Variants in WFS1 observed in about 807,000 individuals in gnomAD.
The protein encoded by WFS1 is wolframin.
WFS1 carries 90 observed loss-of-function variants against 68.5 expected under a neutral mutation model. The observed-to-expected ratio is 1.31, with a 90% CI of 1.11 to 1.56. WFS1 has a LOEUF of 1.56. WFS1 is among the 40% of genes most tolerant of loss of function. The pLI is 0.00. For missense variants in WFS1, 1,767 were observed against 1,232.6 expected (o/e 1.43, Z -6.49); for synonymous variants, 860 against 540.7 (o/e 1.59, Z -8.19).
At chr4:6,277,708 G>T in intron 2 of WFS1, 21 bp downstream of exon 2, 1 of 1,549,972 alleles carries the variant, frequency 6.5e-7, no homozygotes, top group Non-Finnish European at 8.7e-7. Flanking sequence ...AGGCTGGGAA[G>T]CCCAGGCTGG....
intron 6 of WFS1, among the ~76,000 whole-genome samples, chr4:6,294,297 G>A (rs545403113): frequency 1.3e-5 from 2 of 152,116 alleles, no homozygotes; most frequent in African/African-American, 2.4e-5. Flanking sequence ...TGGATAGAGG[G>A]GTCAGTGGGC....
chr4:6,299,530 TA>T (rs1166718319), intron 7 of WFS1, among the ~76,000 whole-genome samples: 1 of 116,440 alleles, frequency 8.6e-6, no homozygotes, highest in Non-Finnish European at 1.7e-5. Flanking sequence ...TGAATGTGTA[TA>T]GGGGTGGGTT....
intron 7 of WFS1, among the ~76,000 whole-genome samples, chr4:6,298,975 C>T (rs1730739918): frequency 6.6e-6 from 1 of 152,248 alleles, no homozygotes; most frequent in South Asian, 2.1e-4. Flanking sequence ...GACATGCAGC[C>T]AGGCTTCCCT....
intron 3 of WFS1, among the ~76,000 whole-genome samples, chr4:6,288,181 C>T (rs920266007): frequency 9.3e-5 from 14 of 150,308 alleles, no homozygotes; most frequent in Admixed American, 8.7e-4. Context: ...CGCACCACCA[C>T]GCTCCCAACT....
Position 6,301,840 on chromosome 4 carries a change from A to G in WFS1, c.2045A>G (p.Asn682Ser). The G allele has an allele frequency of 6.2e-7, 1 of 1,613,160 alleles. No individual in the cohort carries two copies. Among genetic ancestry groups the G allele is most frequent in the African/African-American group, 1.3e-5 (1 of 75,070 alleles). The part of the protein sequence containing the change: ...LCGPRAWKET[N>S]MARTQILCSH... Reference sequence around the variant, plus strand: ...GGGCCACGCGCCTGGAAGGAGACCAACATGGCGCGCACCCAGATCCTCTGC... The same window carrying G: ...GGGCCACGCGCCTGGAAGGAGACCAGCATGGCGCGCACCCAGATCCTCTGC... The change falls in exon 8 of 8, where the codon AAC becomes AGC. Residue 682 changes from asparagine to serine, a missense_variant. Asn to Ser is a conservative substitution (Grantham distance 46). Coordinates refer to ENST00000226760, the MANE Select transcript of WFS1 (RefSeq NM_006005.3).
chr4:6,298,883 T>G (rs1173107328), intron 7 of WFS1, among the ~76,000 whole-genome samples: 2 of 152,218 alleles, frequency 1.3e-5, no homozygotes, highest in African/African-American at 2.4e-5. Context: ...AGGGGATTTG[T>G]GGGGTCTGGT....
chr4:6,285,187 T>G (rs971985772), intron 2 of WFS1, among the ~76,000 whole-genome samples: 2 of 141,042 alleles, frequency 1.4e-5, no homozygotes, highest in African/African-American at 5.5e-5. Flanking sequence ...CCAGGGAGAG[T>G]TACGTCCAGG....
chr4:6,289,034 C>T lies in WFS1; in HGVS notation c.363C>T (p.Leu121=), dbSNP rs140229545. ...TGGCCGGCGACACGGATGAAGAACTCAACAGCTGCACCGCTGTGGACTGGC... is the reference window on the plus strand; with the variant it reads ...TGGCCGGCGACACGGATGAAGAACTTAACAGCTGCACCGCTGTGGACTGGC... The part of the protein sequence containing the change: ...LQLAGDTDEE[L]NSCTAVDWLV... Residue 121 remains leucine, a synonymous_variant, in exon 4 of 8, where the codon CTC becomes CTT. Transcript: ENST00000226760. 1.1e-4 allele frequency: 177 copies of T among 1,606,896 alleles called. No individual in the cohort carries two copies. In the African/African-American group the frequency reaches 2.1e-3, roughly 19 times the overall value.
At chr4:6,290,894 G>A (rs536932788) in intron 4 of WFS1, among the ~76,000 whole-genome samples, 52 of 152,300 alleles carry the variant, frequency 3.4e-4, no homozygotes, top group African/African-American at 1.1e-3. Flanking sequence ...ACACAGGCCT[G>A]TGCCTCCGGG....
At position 6,301,145 on chromosome 4, in the gene WFS1, TGCAGAGCCCTACACGC is replaced by T. The variant is rs1462451449; in HGVS notation, c.1355_1370del (p.Glu452GlyfsTer20). 5.0e-6 allele frequency: 8 copies of T among 1,613,146 alleles called. No homozygotes were observed. Among genetic ancestry groups the T allele is most frequent in the Admixed American group, 1.7e-5 (1 of 60,020 alleles). On this transcript the variant is annotated frameshift_variant, in exon 8 of 8. Coordinates refer to ENST00000226760, the MANE Select transcript of WFS1 (RefSeq NM_006005.3). LOFTEE classifies it high-confidence loss of function. ...CCAGCTACCTGAGCCTGAGCACCCATGCAGAGCCCTACACGCGCAGGGCCCTGGCCACCGAGGTCAC... is the reference window on the plus strand; with the variant it reads ...CCAGCTACCTGAGCCTGAGCACCCATGCAGGGCCCTGGCCACCGAGGTCAC...
chr4:6,294,033 T>C (rs1278739534), intron 6 of WFS1, among the ~76,000 whole-genome samples: 1 of 152,204 alleles, frequency 6.6e-6, no homozygotes, highest in Non-Finnish European at 1.5e-5. Context: ...ACCTGGGTGC[T>C]GCCCCGACTC....
Position 6,271,761 on chromosome 4 carries a change from C to T in WFS1, c.-6+1747C>T, listed in dbSNP as rs139770847. ...CCCAGGCTCCTCCCTGGTCCCGATC[C>T]GGGCCTGGCTGCACGCAGCCCTGCT... is the stretch of plus-strand genomic sequence containing the variant. On this transcript the variant is annotated intron_variant, in intron 1 of 7. Transcript: ENST00000226760. 8.8e-3 allele frequency among the ~76,000 whole-genome samples: 1,343 copies of T among 152,332 alleles called. 16 individuals are homozygous for T. Among genetic ancestry groups the T allele is most frequent in the African/African-American group, 0.03 (1,253 of 41,574 alleles).
chr4:6,272,568 C>T (rs1057326295), intron 1 of WFS1, among the ~76,000 whole-genome samples: 3 of 152,242 alleles, frequency 2.0e-5, no homozygotes, highest in Non-Finnish European at 4.4e-5. Flanking sequence ...GGGCCAGGAC[C>T]TCCTGGGCCT....
chr4:6,300,527 G>A, intron 7 of WFS1, 130 bp from the exon 8 acceptor site: 1 of 1,391,428 alleles, frequency 7.2e-7, no homozygotes, highest in East Asian at 2.5e-5. Flanking sequence ...ACTAGGATGG[G>A]GCTGGTGATG....
chr4:6,286,767 T>C (rs1202274681), intron 2 of WFS1, among the ~76,000 whole-genome samples: 1 of 152,226 alleles, frequency 6.6e-6, no homozygotes, highest in African/African-American at 2.4e-5. Context: ...AGAGCAGGCC[T>C]AGGCCAAGGG....
At chr4:6,299,209 G>A (rs547822523) in intron 7 of WFS1, among the ~76,000 whole-genome samples, 1 of 152,350 alleles carries the variant, frequency 6.6e-6, no homozygotes, top group Admixed American at 6.5e-5. Flanking sequence ...AGGAAGGCAT[G>A]AGGGCTGGCC....
Position 6,301,852 on chromosome 4 carries a change from C to A in WFS1, c.2057C>A (p.Thr686Asn), listed in dbSNP as rs762044038. The change falls in exon 8 of 8, where the codon ACC becomes AAC. Residue 686 changes from threonine (T) to asparagine (N), a missense_variant. Coordinates refer to ENST00000226760, the MANE Select transcript of WFS1 (RefSeq NM_006005.3). Reference sequence around the variant, plus strand: ...TGGAAGGAGACCAACATGGCGCGCACCCAGATCCTCTGCAGCCACCTGGAG... The same window carrying A: ...TGGAAGGAGACCAACATGGCGCGCAACCAGATCCTCTGCAGCCACCTGGAG... ...RAWKETNMAR[T>N]QILCSHLEGH... 7.4e-6 allele frequency: 12 copies of A among 1,612,904 alleles called. No individual in the cohort carries two copies. The highest frequency in any genetic ancestry group is 1.3e-5 in the African/African-American group (1 of 74,934).
intron 1 of WFS1, among the ~76,000 whole-genome samples, chr4:6,275,931 G>A (rs797007682): frequency 6.6e-6 from 1 of 152,306 alleles, no homozygotes; most frequent in African/African-American, 2.4e-5. Flanking sequence ...TGGTCTCACT[G>A]GTCCTCACAG....
At chr4:6,281,589 G>A (rs1303799712) in intron 2 of WFS1, among the ~76,000 whole-genome samples, 4 of 152,146 alleles carry the variant, frequency 2.6e-5, no homozygotes, top group African/African-American at 9.7e-5. Context: ...GGACGGTGGT[G>A]GCACAGCCTG....
Sources: allele counts gnomAD v4.1 joint callset (sites outside exome capture counted in the v4.1 genomes callset), GRCh38; gene constraint gnomAD v4.1.1; transcripts MANE v1.5; gene names NCBI Gene and HGNC (gene_info 2026-07-23, HGNC 2026-07-21).